The following SOX5 variants were observed in gnomAD, a reference collection of about 807,000 sequenced individuals.
SOX5 encodes the protein SRY-box transcription factor 5, also known as transcription factor SOX-5.
Under a neutral mutation model 92.0 loss-of-function variants are expected in SOX5, and 9 were observed. The ratio of observed to expected loss-of-function variants is 0.10; its 90% CI spans 0.06 to 0.17. The LOEUF is 0.17. SOX5 is among the 10% of genes least tolerant of loss of function. The pLI is 1.00. For synonymous variants in SOX5, 344 were observed against 336.3 expected, an observed-to-expected ratio of 1.02 and a Z score of -0.25; for missense variants, 642 against 944.5, an observed-to-expected ratio of 0.68 and a Z score of 4.20.
intron 1 of SOX5, among the ~76,000 whole-genome samples, chr12:24,436,954 C>G (rs1939561219): frequency 6.6e-6 from 1 of 152,140 alleles, no homozygotes; most frequent in Admixed American, 6.5e-5. Context: ...ACCTGCAGGA[C>G]AGCACATCTT....
chr12:24,426,717 C>T (rs935106912), intron 1 of SOX5, among the ~76,000 whole-genome samples: 1 of 152,064 alleles, frequency 6.6e-6, no homozygotes, highest in African/African-American at 2.4e-5. Flanking sequence ...AGCGTACTGC[C>T]CCATAGTACA....
intron 4 of SOX5, among the ~76,000 whole-genome samples, chr12:23,959,537 A>G (rs1725760023): frequency 6.6e-6 from 1 of 152,144 alleles, no homozygotes; most frequent in South Asian, 2.1e-4. Flanking sequence ...TCCACAAGCC[A>G]TAAAACAAAA....
chr12:24,039,440 G>A (rs1956325040), intron 4 of SOX5, among the ~76,000 whole-genome samples: 1 of 152,114 alleles, frequency 6.6e-6, no homozygotes, highest in Non-Finnish European at 1.5e-5. Context: ...GATGCAAAGG[G>A]CTGTTCTTCA....
chr12:24,315,399 A>G (rs371979256), intron 2 of SOX5, among the ~76,000 whole-genome samples: 1 of 152,180 alleles, frequency 6.6e-6, no homozygotes, highest in Non-Finnish European at 1.5e-5. Context: ...AGATTAAGAG[A>G]TTAAAAAACA....
chr12:24,494,343 G>A (rs373845071), intron 1 of SOX5, among the ~76,000 whole-genome samples: 241 of 152,308 alleles, frequency 1.6e-3, no homozygotes, highest in African/African-American at 5.7e-3. Flanking sequence ...CAAGAAACTG[G>A]AAAATGTTTT....
chr12:24,311,059 T>TA (rs1053715228), intron 2 of SOX5, among the ~76,000 whole-genome samples: 1 of 152,100 alleles, frequency 6.6e-6, no homozygotes, highest in African/African-American at 2.4e-5. Context: ...AGCATGGTCA[T>TA]AAAAAAATTC....
At chr12:24,020,085 G>A (rs1954108817) in intron 4 of SOX5, among the ~76,000 whole-genome samples, 1 of 152,114 alleles carries the variant, frequency 6.6e-6, no homozygotes, top group Non-Finnish European at 1.5e-5. Flanking sequence ...TCACATTAGA[G>A]TAATTTTTAA....
At chr12:23,948,409 T>G (rs1015034547) in intron 1 of SOX5, among the ~76,000 whole-genome samples, 3 of 152,128 alleles carry the variant, frequency 2.0e-5, no homozygotes, top group Admixed American at 6.5e-5. Flanking sequence ...ATCTTTGTCC[T>G]TTCTTTTTTC....
chr12:23,993,523 A>C (rs1483375058), intron 4 of SOX5, among the ~76,000 whole-genome samples: 1 of 152,174 alleles, frequency 6.6e-6, no homozygotes, highest in African/African-American at 2.4e-5. Flanking sequence ...GACTGTCAAC[A>C]TGCCACTATT....
chr12:24,091,931 A>T (rs1336255739), intron 4 of SOX5, among the ~76,000 whole-genome samples: 1 of 152,044 alleles, frequency 6.6e-6, no homozygotes, highest in African/African-American at 2.4e-5. Flanking sequence ...CTGCAATTAG[A>T]CTATTAACTC....
At chr12:23,705,361 T>A (rs2140278541) in intron 6 of SOX5, among the ~76,000 whole-genome samples, 1 of 152,178 alleles carries the variant, frequency 6.6e-6, no homozygotes, top group East Asian at 1.9e-4. Flanking sequence ...GTGATCTACC[T>A]GTCAGCACTA....
At chr12:24,428,001 G>C (rs945583823) in intron 1 of SOX5, among the ~76,000 whole-genome samples, 1 of 152,156 alleles carries the variant, frequency 6.6e-6, no homozygotes, top group African/African-American at 2.4e-5. Flanking sequence ...ACAAACAGCA[G>C]AGGTGTGTGC....
rs969708184 is a variant in SOX5, at chr12:24,379,833, A to T, written c.-250-11194T>A. Among the ~76,000 whole-genome samples, 14 of 26,258 alleles carry T rather than the reference A, an allele frequency of 5.3e-4. 1 individual carries two copies. The East Asian group carries it at 7.8e-3, about 15-fold the overall frequency. The allele number at this position is 26,258 out of a possible 152,430, so 17.2% of individuals were successfully genotyped here. A position where few individuals can be genotyped will look rare whatever the true frequency, so the allele number is the denominator to read the frequency against. On this transcript the variant is annotated intron_variant, in intron 1 of 4. Coordinates refer to the SOX5 transcript ENST00000446891. ...CCTCAAATCGGATTTTTACCACTTT[A>T]AAAAAAAAAAAGAGTCCTAATTATT...
At chr12:24,433,588 T>A (rs980848156) in intron 1 of SOX5, among the ~76,000 whole-genome samples, 5 of 152,088 alleles carry the variant, frequency 3.3e-5, no homozygotes, top group Non-Finnish European at 7.4e-5. Flanking sequence ...GGGGAAAAAA[T>A]CACAGCAGTA....
At chr12:24,096,665 G>T (rs1359443523) in intron 4 of SOX5, among the ~76,000 whole-genome samples, 1 of 152,074 alleles carries the variant, frequency 6.6e-6, no homozygotes, top group Admixed American at 6.5e-5. Context: ...ATATTACATT[G>T]TATATTACAC....
At chr12:23,697,260 G>A (rs941650488) in intron 6 of SOX5, among the ~76,000 whole-genome samples, 1 of 152,026 alleles carries the variant, frequency 6.6e-6, no homozygotes, top group African/African-American at 2.4e-5. Context: ...AGTTACATAT[G>A]CATTCAGCAT....
chr12:24,512,339 G>T (rs1419942465), intron 1 of SOX5, among the ~76,000 whole-genome samples: 1 of 152,208 alleles, frequency 6.6e-6, no homozygotes, highest in African/African-American at 2.4e-5. Context: ...ACTGTCATAA[G>T]CTGTAAATCC....
chr12:24,431,547 T>C (rs941836546), intron 1 of SOX5, among the ~76,000 whole-genome samples: 11 of 152,212 alleles, frequency 7.2e-5, no homozygotes, highest in Non-Finnish European at 1.5e-5. Context: ...TTGTGTTCTT[T>C]TGTTTTTTGA....
intron 7 of SOX5, among the ~76,000 whole-genome samples, chr12:23,650,630 C>T (rs1396136703): frequency 6.6e-6 from 1 of 152,042 alleles, no homozygotes; most frequent in Non-Finnish European, 1.5e-5. Context: ...GGGGGAGCCC[C>T]CTGCCATTTA....
Sources: allele counts gnomAD v4.1 joint callset (sites outside exome capture counted in the v4.1 genomes callset), GRCh38; gene constraint gnomAD v4.1.1; transcripts MANE v1.5; gene names NCBI Gene and HGNC (gene_info 2026-07-23, HGNC 2026-07-21).